The following CYP4F8 variants were observed in gnomAD, a reference collection of about 807,000 sequenced individuals.
CYP4F8 encodes the protein cytochrome P450 4F8.
CYP4F8 carries 56 observed loss-of-function variants against 55.0 expected under a neutral mutation model. The observed-to-expected ratio is 1.02, with a 90% confidence interval of 0.82 to 1.27. CYP4F8 has a LOEUF of 1.27. Among genes scored for constraint, CYP4F8 ranks in the 50% most tolerant of loss-of-function variants. The pLI, the probability that CYP4F8 is intolerant of heterozygous loss-of-function variation, is 0.00. For missense variants in CYP4F8, 680 were observed against 682.4 expected (o/e 1.00, Z 0.04); for synonymous variants, 288 against 267.3 (o/e 1.08, Z -0.76).
At position 15,618,215 on chromosome 19, in the gene CYP4F8, C is replaced by T. The variant is rs778218942; in HGVS notation, c.343+71C>T. On this transcript the variant is annotated intron_variant, in intron 3 of 12. Transcript: ENST00000612078. ...GGGCTTCTAGATCTCATCCCCAAAG[C>T]TTCTGTGCAGCTCTTGTAGTACTCA... 3.1e-6 allele frequency: 5 copies of T among 1,606,758 alleles called. No individual in the cohort carries two copies. In the South Asian group the frequency reaches 4.4e-5, roughly 14 times the overall value.
In CYP4F8 at chr19:15,623,683, G is replaced by C; in HGVS notation, c.919-16G>C. ...AGTGACCCCAGAACTAGTGTGATTG[G>C]GGTTCTTGTCTCCAGGATAAAAATG... On this transcript the variant is annotated splice_polypyrimidine_tract_variant and intron_variant, in intron 7 of 12. Transcript: ENST00000612078. 1 of 1,613,946 alleles carries C rather than the reference G, an allele frequency of 6.2e-7. No homozygotes were observed. Among genetic ancestry groups the C allele is most frequent in the Non-Finnish European group, 8.5e-7 (1 of 1,179,892 alleles).
chr19:15,628,748 G>A lies in CYP4F8; in HGVS notation c.1315-13G>A. The A allele has an allele frequency of 6.2e-7, 1 of 1,613,480 alleles. No homozygotes were observed. Among genetic ancestry groups the A allele is most frequent in the Non-Finnish European group, 8.5e-7 (1 of 1,179,744 alleles). ...GAGGCCCCATCAGCAGCCTTAACTTGCCTCCACCCCAGGTCTATGACCCCT... is the reference window on the plus strand; with the variant it reads ...GAGGCCCCATCAGCAGCCTTAACTTACCTCCACCCCAGGTCTATGACCCCT... On this transcript the variant is annotated splice_polypyrimidine_tract_variant and intron_variant, in intron 11 of 12. Transcript: ENST00000612078.
Position 15,615,687 on chromosome 19 carries a change from T to G in CYP4F8, c.71T>G (p.Val24Gly). ...GCATCCCCGTGGCTGCTCCTGCTGG[T>G]GGTCGGGGCCTCCTGGCTCCTGGCC... is the stretch of plus-strand genomic sequence containing the variant. ...VAASPWLLLLVVGASWLLARI... is the reference protein window; with the variant it reads ...VAASPWLLLLGVGASWLLARI... Residue 24 changes from valine (V) to glycine (G), a missense_variant, in exon 2 of 13, where the codon GTG (valine) becomes GGG (glycine). Transcript: ENST00000612078. The G allele has an allele frequency of 6.2e-7, 1 of 1,613,992 alleles. No homozygotes were observed. The highest frequency in any genetic ancestry group is 8.5e-7 in the Non-Finnish European group (1 of 1,179,934).
chr19:15,615,935 A>C, intron 2 of CYP4F8, 121 bp downstream of exon 2: 1 of 1,064,224 alleles, frequency 9.4e-7, no homozygotes. Flanking sequence ...CTGATCACTC[A>C]CTCATTCCTC....
chr19:15,628,453 G>A lies in CYP4F8; in HGVS notation c.1249+18G>A, dbSNP rs1200389677. 3.7e-6 allele frequency: 6 copies of A among 1,613,720 alleles called. No homozygotes were observed. The highest frequency in any genetic ancestry group is 4.5e-5 in the East Asian group (2 of 44,876). On this transcript the variant is annotated intron_variant, in intron 10 of 12. Transcript: ENST00000612078. ...CCCCAAAGGTGCCCTCCATGGCAGG[G>A]GAGGAGGGTCCTGGGCAGGGCGGTG...
intron 9 of CYP4F8, chr19:15,627,319 C>G (rs2144611748): frequency 6.6e-6 from 1 of 152,022 alleles, no homozygotes; most frequent in Admixed American, 6.5e-5. Flanking sequence ...ACTAAAAATA[C>G]AAAAATTAGT....
At chr19:15,623,605 G>T in intron 7 of CYP4F8, 94 bp from the exon 8 acceptor site, 1 of 1,437,532 alleles carries the variant, frequency 7.0e-7, no homozygotes, top group Non-Finnish European at 9.5e-7. Flanking sequence ...GGTGACAAGG[G>T]AGGGATCCTT....
chr19:15,628,112 C>A (rs1015108351), intron 9 of CYP4F8, 190 bp from the exon 10 acceptor site: 23 of 803,596 alleles, frequency 2.9e-5, no homozygotes, highest in Non-Finnish European at 4.2e-5. Context: ...TCAGAAATAC[C>A]TCTAAAAACA....
intron 9 of CYP4F8, among the ~76,000 whole-genome samples, chr19:15,624,932 A>C (rs910071563): frequency 6.6e-6 from 1 of 152,160 alleles, no homozygotes; most frequent in Non-Finnish European, 1.5e-5. Flanking sequence ...AACTCTTTAC[A>C]TATTAAGAAA....
chr19:15,624,127 G>A, intron 9 of CYP4F8, 33 bp downstream of exon 9: 1 of 1,606,060 alleles, frequency 6.2e-7, no homozygotes, highest in East Asian at 2.2e-5. Context: ...CTGCCTTTCT[G>A]CCTTTCTGAG....
intron 12 of CYP4F8, 75 bp downstream of exon 12, chr19:15,628,918 T>G: frequency 1.4e-6 from 2 of 1,456,382 alleles, no homozygotes; most frequent in South Asian, 2.6e-5. Context: ...ATGCCTGACT[T>G]GTAGGACCAC....
chr19:15,623,434 G>C, intron 7 of CYP4F8, 59 bp downstream of exon 7: 4 of 1,595,586 alleles, frequency 2.5e-6, no homozygotes, highest in East Asian at 4.5e-5. Flanking sequence ...TCAAATGTCA[G>C]ATTGAAGGAC....
intron 5 of CYP4F8, among the ~76,000 whole-genome samples, chr19:15,621,396 C>T (rs750260555): frequency 5.9e-5 from 9 of 152,086 alleles, no homozygotes; most frequent in Admixed American, 1.3e-4. Flanking sequence ...CGTGGTGGTG[C>T]GTGCCTGTAA....
intron 9 of CYP4F8, 127 bp from the exon 10 acceptor site, chr19:15,628,175 C>T: frequency 2.1e-6 from 3 of 1,422,152 alleles, no homozygotes; most frequent in Non-Finnish European, 2.8e-6. Flanking sequence ...CTAATGCTTA[C>T]ATCTTTGTTG....
In CYP4F8 at chr19:15,623,990, C is replaced by T. The variant is rs539571514; in HGVS notation, c.1011C>T (p.Leu337=). 2 of 1,614,206 alleles carry T rather than the reference C, an allele frequency of 1.2e-6. No individual in the cohort carries two copies. Among genetic ancestry groups the T allele is most frequent in the Admixed American group, 1.7e-5 (1 of 60,020 alleles). ...GCCATGACACCACGGCCAGTGGCCTCTCCTGGGTCTTGTACAACCTCGCGA... is the reference window on the plus strand; with the variant it reads ...GCCATGACACCACGGCCAGTGGCCTTTCCTGGGTCTTGTACAACCTCGCGA... ...FGGHDTTASG[L]SWVLYNLARH... Residue 337 remains leucine, a synonymous_variant, in exon 9 of 13, where the codon CTC becomes CTT. Coordinates refer to ENST00000612078, the MANE Select transcript of CYP4F8 (RefSeq NM_007253.4).
At chr19:15,629,126 G>A (rs534671592) in intron 12 of CYP4F8, 67 bp from the exon 13 acceptor site, 6 of 1,505,296 alleles carry the variant, frequency 4.0e-6, no homozygotes, top group Admixed American at 2.2e-5. Context: ...TCCGGGCCTG[G>A]TTCCTGGCGC....
intron 9 of CYP4F8, chr19:15,627,193 A>T (rs549004007): frequency 6.6e-6 from 1 of 152,024 alleles, no homozygotes. Flanking sequence ...CCTAGCTTGG[A>T]TAGGGCATGG....
rs1233030507 is a variant in CYP4F8 at position 15,622,324 on chromosome 19, G to T, written c.631G>T (p.Asp211Tyr). Residue 211 changes from aspartate (D) to tyrosine (Y), a missense_variant, in exon 6 of 13, where the codon GAC becomes TAC. Physicochemically the swap from Asp to Tyr is radical, Grantham distance 160. Transcript: ENST00000612078. The stretch of plus-strand genomic sequence containing the variant: ...TCTGCAGAAATGCATCTTCAGCTTT[G>T]ACAGCAATTGTCAGGAGTGAGTTCT... ...DSLQKCIFSF[D>Y]SNCQEKPSEY... 7 of 1,566,818 alleles carry T rather than the reference G, an allele frequency of 4.5e-6. No individual in the cohort carries two copies. Among genetic ancestry groups the T allele is most frequent in the Non-Finnish European group, 6.1e-6 (7 of 1,152,532 alleles).
rs552044026 is a variant in CYP4F8 at position 15,626,449 on chromosome 19, G to T, written c.1116-1853G>T. 7.6e-4 allele frequency among the ~76,000 whole-genome samples: 115 copies of T among 152,290 alleles called. 1 individual carries two copies. The highest frequency in any genetic ancestry group is 2.7e-3 in the African/African-American group (114 of 41,560). ...GTTGTCAGCTAGCTTCCATTTCTAT[G>T]ACAGCTAGTGACTTTGCGCATCTCC... On this transcript the variant is annotated intron_variant, in intron 9 of 12. Transcript: ENST00000612078.
Sources: allele counts gnomAD v4.1 joint callset (sites outside exome capture counted in the v4.1 genomes callset), GRCh38; gene constraint gnomAD v4.1.1; transcripts MANE v1.5; gene names NCBI Gene and HGNC (gene_info 2026-07-23, HGNC 2026-07-21).